Variants in FRAS1 observed in about 807,000 individuals in gnomAD.
FRAS1 encodes Fraser extracellular matrix complex subunit 1, also known as extracellular matrix organizing protein FRAS1.
FRAS1 carries 290 observed loss-of-function variants against 435.2 expected under a neutral mutation model. The ratio of observed to expected loss-of-function variants is 0.67; its 90% CI spans 0.61 to 0.73. The LOEUF (loss-of-function observed/expected upper bound fraction) is 0.73, where lower values mean the gene tolerates loss of function less well. Ranked by LOEUF, FRAS1 falls within the 30% of genes least tolerant of loss-of-function variation. The pLI, the probability that FRAS1 is intolerant of heterozygous loss-of-function variation, is 0.00. For missense variants in FRAS1, 4,860 were observed against 5,001.5 expected, an observed-to-expected ratio of 0.97 and a Z score of 0.85; for synonymous variants, 1,800 against 1,851.0, an observed-to-expected ratio of 0.97 and a Z score of 0.71.
intron 58 of FRAS1, 42 bp from the exon 59 acceptor site, chr4:78,488,833 C>A (rs763024121): frequency 1.3e-6 from 2 of 1,569,306 alleles, no homozygotes; most frequent in Non-Finnish European, 1.7e-6. Context: ...GCTTCCCTGT[C>A]TTCCACTAAT....
intron 26 of FRAS1, among the ~76,000 whole-genome samples, chr4:78,377,185 T>C (rs1731800881): frequency 6.6e-6 from 1 of 151,916 alleles, no homozygotes; most frequent in African/African-American, 2.4e-5. Flanking sequence ...CTTTTGAGAG[T>C]CGTTCGTCAA....
At chr4:78,157,827 A>G (rs1314965309) in intron 2 of FRAS1, among the ~76,000 whole-genome samples, 1 of 151,800 alleles carries the variant, frequency 6.6e-6, no homozygotes, top group Non-Finnish European at 1.5e-5. Context: ...ATTAGGTCCC[A>G]TTTATCAATT....
intron 2 of FRAS1, among the ~76,000 whole-genome samples, chr4:78,118,481 C>G (rs1373973875): frequency 3.3e-5 from 5 of 152,168 alleles, no homozygotes; most frequent in East Asian, 3.8e-4. Context: ...ATCGAGCTTC[C>G]CGGCTGCTTT....
At chr4:78,117,648 T>C (rs28854287) in intron 2 of FRAS1, among the ~76,000 whole-genome samples, 42,438 of 152,086 alleles carry the variant, frequency 0.28, 6,236 homozygotes, top group African/African-American at 0.35. Context: ...GCATTCATCA[T>C]GTAGTTCTCG....
chr4:78,477,735 C>A (rs1395653574), intron 54 of FRAS1, 80 bp from the exon 55 acceptor site: 2 of 1,528,816 alleles, frequency 1.3e-6, no homozygotes, highest in African/African-American at 2.7e-5. Flanking sequence ...CTTGGATGCT[C>A]TTTTCCTATG....
intron 2 of FRAS1, among the ~76,000 whole-genome samples, chr4:78,130,349 A>G (rs1405033196): frequency 6.6e-6 from 1 of 152,202 alleles, no homozygotes; most frequent in Non-Finnish European, 1.5e-5. Context: ...GGTAGATTAT[A>G]GGAATATAGG....
rs77216732 is a variant in FRAS1 at position 78,458,515 on chromosome 4, T to C, written c.6764-5506T>C. Among the ~76,000 whole-genome samples, 476 of 152,260 alleles carry C rather than the reference T, an allele frequency of 3.1e-3. 1 individual carries two copies. Among genetic ancestry groups the C allele is most frequent in the Non-Finnish European group, 5.7e-3 (385 of 68,014 alleles). On this transcript the variant is annotated intron_variant, in intron 47 of 73. Transcript: ENST00000512123. Reference sequence around the variant, plus strand: ...ATAAGTGAGAACTTAACACTGGGTATGCTTGGACATAGAGATGGGAACCTT... The same window carrying C: ...ATAAGTGAGAACTTAACACTGGGTACGCTTGGACATAGAGATGGGAACCTT...
rs1718833437 is a variant in FRAS1, at chr4:78,446,461, C to T, written c.5857-266C>T. 3 of 1,236,618 alleles carry T rather than the reference C, an allele frequency of 2.4e-6. No homozygotes were observed. In the Admixed American group the frequency reaches 1.3e-4, roughly 53 times the overall value. The allele number at this position is 1,236,618 out of a possible 1,614,324, so 76.6% of individuals were successfully genotyped here. ...CAAAGCACATATCCATATTTTTGGT[C>T]TAGAAAATATGGTCATTGTACTTAC... On this transcript the variant is annotated intron_variant, in intron 42 of 73. Transcript: ENST00000512123.
intron 46 of FRAS1, 131 bp downstream of exon 46, chr4:78,452,022 C>T (rs1241933112): frequency 3.2e-6 from 4 of 1,239,314 alleles, no homozygotes; most frequent in Non-Finnish European, 4.5e-6. Flanking sequence ...AAAATCATAC[C>T]CCCTTTATTG....
At chr4:78,092,276 G>A (rs1006633947) in intron 2 of FRAS1, among the ~76,000 whole-genome samples, 19 of 152,090 alleles carry the variant, frequency 1.2e-4, no homozygotes, top group Non-Finnish European at 5.9e-5. Context: ...GGTCAGGACC[G>A]GCATGTGGTA....
At chr4:78,384,402 A>C (rs2110325809) in intron 28 of FRAS1, among the ~76,000 whole-genome samples, 1 of 152,302 alleles carries the variant, frequency 6.6e-6, no homozygotes, top group Non-Finnish European at 1.5e-5. Flanking sequence ...TCCTTATGCC[A>C]ATATTATGAG....
At chr4:78,491,010 C>T (rs1238478863) in intron 59 of FRAS1, among the ~76,000 whole-genome samples, 2 of 152,152 alleles carry the variant, frequency 1.3e-5, no homozygotes, top group South Asian at 2.1e-4. Context: ...AAACTACCAT[C>T]AAAGAATACT....
At chr4:78,529,750 G>A (rs1163482541) in intron 70 of FRAS1, among the ~76,000 whole-genome samples, 1 of 152,184 alleles carries the variant, frequency 6.6e-6, no homozygotes, top group Non-Finnish European at 1.5e-5. Flanking sequence ...TATACAATGT[G>A]GAGATGCTGA....
intron 20 of FRAS1, among the ~76,000 whole-genome samples, chr4:78,357,051 TGAA>T (rs770687024): frequency 1.8e-4 from 27 of 152,186 alleles, no homozygotes; most frequent in Non-Finnish European, 2.9e-4. Flanking sequence ...CTCAGTTCCT[TGAA>T]GGCATCCTGT....
At chr4:78,405,842 G>A (rs1733076178) in intron 30 of FRAS1, among the ~76,000 whole-genome samples, 1 of 152,208 alleles carries the variant, frequency 6.6e-6, no homozygotes, top group South Asian at 2.1e-4. Context: ...TATAGCTTCT[G>A]CTTGCAGCAG....
intron 2 of FRAS1, among the ~76,000 whole-genome samples, chr4:78,176,119 C>A (rs1425877012): frequency 1.3e-5 from 2 of 152,168 alleles, no homozygotes; most frequent in South Asian, 2.1e-4. Flanking sequence ...GTTGGTTATA[C>A]CCTGGTTCAG....
Position 78,541,137 on chromosome 4 carries a change from A to G in FRAS1, c.*13A>G. On this transcript the variant is annotated 3_prime_UTR_variant, in exon 74 of 74. Coordinates refer to ENST00000512123, the MANE Select transcript of FRAS1 (RefSeq NM_025074.7). ...AACAGAAGTTTAATGGAGGAGACCT[A>G]TGTGTATTTTTTTCTAAAATCATTT... The G allele has an allele frequency of 7.6e-7, 1 of 1,313,402 alleles. No individual in the cohort carries two copies. Among genetic ancestry groups the G allele is most frequent in the Non-Finnish European group, 9.9e-7 (1 of 1,011,506 alleles). 81.4% of individuals were successfully genotyped at this position (1,313,402 alleles called of 1,614,324 possible).
At position 78,363,991 on chromosome 4, in the gene FRAS1, A is replaced by G; in HGVS notation, c.2659A>G (p.Thr887Ala). The G allele has an allele frequency of 1.2e-6, 2 of 1,610,764 alleles. No individual in the cohort carries two copies. The highest frequency in any genetic ancestry group is 2.2e-5 in the East Asian group (1 of 44,784). Residue 887 changes from threonine to alanine, a missense_variant, in exon 22 of 74, where the codon ACT becomes GCT. Thr to Ala is a moderately conservative substitution (Grantham distance 58). Transcript: ENST00000512123. ...SCDTNLVLSH[T>A]GTCSTTCFPG... is the part of the protein sequence containing the mutation. ...TGACACCAACCTCGTGCTGTCCCAC[A>G]CTGGCACCTGCAGCACCACCTGCTT... is the stretch of plus-strand genomic sequence containing the variant.
chr4:78,170,511 C>A (rs967481334), intron 2 of FRAS1, among the ~76,000 whole-genome samples: 1 of 151,950 alleles, frequency 6.6e-6, no homozygotes, highest in Admixed American at 6.6e-5. Flanking sequence ...GGTTGTAAGC[C>A]CCTTAAGTGC....
Sources: gnomAD v4.1 joint callset for allele counts (sites outside exome capture counted in the v4.1 genomes callset) on GRCh38, gnomAD v4.1.1 for gene constraint, MANE v1.5 for transcripts, NCBI Gene and HGNC (gene_info 2026-07-23, HGNC 2026-07-21) for gene names.